BMPR1B: variants seen among roughly 807,000 people sequenced by gnomAD.
BMPR1B encodes bone morphogenetic protein receptor type 1B.
BMPR1B carries 12 observed loss-of-function variants against 59.1 expected under a neutral mutation model. The ratio of observed to expected loss-of-function variants is 0.20; its 90% CI spans 0.13 to 0.33. BMPR1B has a LOEUF of 0.33. Among genes scored for constraint, BMPR1B ranks in the 10% least tolerant of loss-of-function variants. The probability of loss-of-function intolerance (pLI) is 1.00; values close to 1 mark genes in which losing one functional copy is unlikely to be tolerated. For missense variants in BMPR1B, 550 were observed against 610.9 expected, an observed-to-expected ratio of 0.90 and a Z score of 1.05; for synonymous variants, 237 against 207.3, an observed-to-expected ratio of 1.14 and a Z score of -1.23.
In BMPR1B at chr4:95,154,661, C is replaced by T. The variant is rs1388112923; in HGVS notation, c.1497C>T (p.Asp499=). ...TTGCCAAAATGTCAGAGTCCCAGGA[C>T]ATTAAACTCTGATAGGAGAGGAAAA... is the stretch of plus-strand genomic sequence containing the variant. The part of the protein sequence containing the change: ...KTLAKMSESQ[D]IKL Residue 499 remains aspartate (D), a synonymous_variant, in exon 13 of 13, where the codon GAC becomes GAT. Coordinates refer to ENST00000515059, the MANE Select transcript of BMPR1B (RefSeq NM_001203.3). 3 of 1,614,056 alleles carry T rather than the reference C, an allele frequency of 1.9e-6. No individual in the cohort carries two copies. In the East Asian group the frequency reaches 6.7e-5, roughly 36 times the overall value.
intron 3 of BMPR1B, among the ~76,000 whole-genome samples, chr4:95,027,281 A>G (rs1724495341): frequency 6.6e-6 from 1 of 152,210 alleles, no homozygotes; most frequent in Non-Finnish European, 1.5e-5. Context: ...TTTAAAAATA[A>G]AGTTAGAGGT....
intron 11 of BMPR1B, 43 bp downstream of exon 11, chr4:95,148,966 C>G: frequency 6.2e-7 from 1 of 1,602,618 alleles, no homozygotes; most frequent in Non-Finnish European, 8.5e-7. Flanking sequence ...ATTGGAGCTA[C>G]TATAAATCCT....
At chr4:94,803,219 C>G (rs1310637318) in intron 1 of BMPR1B, among the ~76,000 whole-genome samples, 1 of 152,138 alleles carries the variant, frequency 6.6e-6, no homozygotes, top group African/African-American at 2.4e-5. Context: ...CCTTGCAAAC[C>G]TTATTCTAAA....
intron 2 of BMPR1B, among the ~76,000 whole-genome samples, chr4:94,925,013 C>T (rs2149028340): frequency 6.6e-6 from 1 of 152,198 alleles, no homozygotes; most frequent in East Asian, 1.9e-4. Context: ...GTTTCCTCAC[C>T]TATTAAGTGA....
At chr4:94,897,426 C>G (rs1727630152) in intron 2 of BMPR1B, among the ~76,000 whole-genome samples, 2 of 152,122 alleles carry the variant, frequency 1.3e-5, no homozygotes, top group South Asian at 4.1e-4. Flanking sequence ...GTCTTTCATT[C>G]ACCCAGAAAA....
intron 10 of BMPR1B, among the ~76,000 whole-genome samples, chr4:95,146,715 C>T (rs558807666): frequency 1.7e-3 from 259 of 152,250 alleles, no homozygotes; most frequent in Admixed American, 3.7e-3. Context: ...CACTATCTTC[C>T]TCATGATTAA....
At chr4:94,911,288 G>A (rs1728263793) in intron 2 of BMPR1B, among the ~76,000 whole-genome samples, 1 of 152,100 alleles carries the variant, frequency 6.6e-6, no homozygotes, top group Admixed American at 6.6e-5. Flanking sequence ...TGTGAAAAGG[G>A]CAAGACATAG....
intron 2 of BMPR1B, among the ~76,000 whole-genome samples, chr4:94,925,342 G>C (rs1320800642): frequency 6.6e-6 from 1 of 152,082 alleles, no homozygotes; most frequent in African/African-American, 2.4e-5. Flanking sequence ...ATGATGAAAA[G>C]TGGTCATTTT....
intron 3 of BMPR1B, among the ~76,000 whole-genome samples, chr4:95,096,576 A>C: frequency 6.6e-6 from 1 of 150,756 alleles, no homozygotes; most frequent in East Asian, 1.9e-4. Flanking sequence ...TCTATTGTTT[A>C]TTTGCACGCC....
chr4:94,908,240 A>G (rs1728135489), intron 2 of BMPR1B, among the ~76,000 whole-genome samples: 1 of 151,952 alleles, frequency 6.6e-6, no homozygotes, highest in Admixed American at 6.6e-5. Context: ...GTTCGATAGT[A>G]TGTCAGAATT....
intron 3 of BMPR1B, among the ~76,000 whole-genome samples, chr4:95,027,413 G>A (rs1472227294): frequency 6.6e-6 from 1 of 152,210 alleles, no homozygotes; most frequent in Non-Finnish European, 1.5e-5. Context: ...AACATATCCT[G>A]TTTACATGTG....
intron 1 of BMPR1B, among the ~76,000 whole-genome samples, chr4:94,797,518 A>G (rs1043124619): frequency 6.6e-6 from 1 of 152,240 alleles, no homozygotes; most frequent in Admixed American, 6.5e-5. Flanking sequence ...AATATTAAAT[A>G]TGACTTTGAA....
chr4:95,078,874 C>T (rs150218891), intron 3 of BMPR1B, among the ~76,000 whole-genome samples: 15 of 152,266 alleles, frequency 9.9e-5, no homozygotes, highest in African/African-American at 2.9e-4. Flanking sequence ...CTTTCCATTT[C>T]AGCCTCCAGG....
intron 2 of BMPR1B, among the ~76,000 whole-genome samples, chr4:94,946,766 T>C (rs1350954384): frequency 6.6e-6 from 1 of 152,018 alleles, no homozygotes; most frequent in East Asian, 1.9e-4. Context: ...AAAGGGCAAA[T>C]TTGGTCAGGC....
Position 94,838,561 on chromosome 4 carries a change from T to A in BMPR1B, c.-182-37270T>A, listed in dbSNP as rs895497969. On this transcript the variant is annotated intron_variant, in intron 1 of 12. Coordinates refer to ENST00000515059, the MANE Select transcript of BMPR1B (RefSeq NM_001203.3). ...TTTATTTGCGTAGAGGTGTTTGTAG[T>A]ATTCTCTGATGGTAGTTTGTATTTC... Among the ~76,000 whole-genome samples, 23 of 137,712 alleles carry A rather than the reference T, an allele frequency of 1.7e-4. 1 individual carries two copies. Among genetic ancestry groups the A allele is most frequent in the Admixed American group, 1.0e-3 (14 of 13,958 alleles). The allele number at this position is 137,712 out of a possible 152,430, so 90.3% of individuals were successfully genotyped here.
At chr4:94,887,403 C>CAAA (rs57818132) in intron 2 of BMPR1B, among the ~76,000 whole-genome samples, 1,556 of 54,540 alleles carry the variant, frequency 0.029, 31 homozygotes, top group Non-Finnish European at 0.041. Context: ...CACCCCCCAC[C>CAAA]AAAAAAAAAA....
At chr4:94,947,768 C>G (rs1257756519) in intron 2 of BMPR1B, among the ~76,000 whole-genome samples, 1 of 152,196 alleles carries the variant, frequency 6.6e-6, no homozygotes, top group Non-Finnish European at 1.5e-5. Flanking sequence ...TAGCGCCAGT[C>G]CTCCTTACAA....
intron 3 of BMPR1B, among the ~76,000 whole-genome samples, chr4:95,042,314 G>C (rs71601254): frequency 0.091 from 13,904 of 152,210 alleles, 700 homozygotes; most frequent in Middle Eastern, 0.16. Context: ...TGTACAAATT[G>C]AGAGTCAGAG....
At chr4:94,797,260 A>G (rs929701733) in intron 1 of BMPR1B, among the ~76,000 whole-genome samples, 1 of 152,206 alleles carries the variant, frequency 6.6e-6, no homozygotes, top group Non-Finnish European at 1.5e-5. Context: ...GGTCCTTCCC[A>G]CAATATGGGG....
Sources: gnomAD v4.1 joint callset for allele counts (sites outside exome capture counted in the v4.1 genomes callset) on GRCh38, gnomAD v4.1.1 for gene constraint, MANE v1.5 for transcripts, NCBI Gene and HGNC (gene_info 2026-07-23, HGNC 2026-07-21) for gene names.